The following NSD1 variants were observed in gnomAD, a reference collection of about 807,000 sequenced individuals.
NSD1 encodes histone-lysine N-methyltransferase, H3 lysine-36 specific.
NSD1 carries 26 observed loss-of-function variants against 242.7 expected under a neutral mutation model. The observed-to-expected ratio is 0.11, with a 90% CI of 0.08 to 0.15. NSD1 has a LOEUF of 0.15. NSD1 is among the 10% of genes least tolerant of loss of function. The pLI is 1.00. For missense variants in NSD1, 2,495 were observed against 3,272.8 expected, an observed-to-expected ratio of 0.76 and a Z score of 5.80; for synonymous variants, 1,106 against 1,178.1, an observed-to-expected ratio of 0.94 and a Z score of 1.25.
At chr5:177,241,070 G>C (rs1476152148) in intron 8 of NSD1, among the ~76,000 whole-genome samples, 2 of 152,118 alleles carry the variant, frequency 1.3e-5, no homozygotes, top group African/African-American at 4.8e-5. Flanking sequence ...ACACAAAGAT[G>C]TTCTCCCTGT....
intron 2 of NSD1, among the ~76,000 whole-genome samples, chr5:177,170,527 T>C (rs1158664850): frequency 6.6e-6 from 1 of 151,974 alleles, no homozygotes; most frequent in Non-Finnish European, 1.5e-5. Flanking sequence ...ATTTTTTTTG[T>C]ATTTTAGTAG....
At chr5:177,214,296 T>G (rs1763595744) in intron 5 of NSD1, among the ~76,000 whole-genome samples, 1 of 152,118 alleles carries the variant, frequency 6.6e-6, no homozygotes, top group Admixed American at 6.6e-5. Context: ...TGCAGTGAGC[T>G]GAGATTGCGC....
At chr5:177,273,568 C>A in intron 16 of NSD1, 104 bp from the exon 17 acceptor site, 1 of 871,318 alleles carries the variant, frequency 1.1e-6, no homozygotes, top group Non-Finnish European at 1.9e-6. Flanking sequence ...TTGTGTAAAA[C>A]ATGGAGTTTC....
chr5:177,212,159 C>A lies in NSD1; in HGVS notation c.3760C>A (p.Pro1254Thr), dbSNP rs1035426339. Residue 1254 changes from proline (P) to threonine (T), a missense_variant, in exon 5 of 23, where the codon CCC becomes ACC. This residue lies in a region of NSD1 where 426 missense variants were observed against 411.4 expected (regional missense o/e 1.04). Transcript: ENST00000439151. ...TGACATGGAAAAGGAGCCAGGAATT[C>A]CCAGTTTGACACCACAGGCTGAGCT... ...IGDMEKEPGI[P>T]SLTPQAELPE... The A allele has an allele frequency of 6.2e-7, 1 of 1,613,934 alleles. No individual in the cohort carries two copies. Among genetic ancestry groups the A allele is most frequent in the Non-Finnish European group, 8.5e-7 (1 of 1,180,000 alleles).
At chr5:177,208,822 A>G (rs973677570) in intron 4 of NSD1, among the ~76,000 whole-genome samples, 2 of 151,946 alleles carry the variant, frequency 1.3e-5, no homozygotes, top group African/African-American at 4.8e-5. Context: ...CAGCCTCCAC[A>G]GTAGCTGGGA....
intron 21 of NSD1, among the ~76,000 whole-genome samples, chr5:177,290,899 G>A (rs1225738940): frequency 1.3e-5 from 2 of 152,180 alleles, no homozygotes; most frequent in Non-Finnish European, 2.9e-5. Flanking sequence ...ATGGTATTAA[G>A]TGTAGTGCGG....
chr5:177,206,092 TG>T (rs1302861134), intron 4 of NSD1, among the ~76,000 whole-genome samples: 2 of 152,130 alleles, frequency 1.3e-5, no homozygotes, highest in Non-Finnish European at 2.9e-5. Context: ...CTCTGCCTCC[TG>T]GGTTCAGGCG....
At chr5:177,141,781 A>G (rs1042046886) in intron 2 of NSD1, among the ~76,000 whole-genome samples, 1 of 152,112 alleles carries the variant, frequency 6.6e-6, no homozygotes, top group East Asian at 1.9e-4. Context: ...CTACTTGTCA[A>G]CTAAGCTGCT....
chr5:177,214,495 T>C (rs781741950), intron 5 of NSD1, among the ~76,000 whole-genome samples: 12 of 152,190 alleles, frequency 7.9e-5, no homozygotes, highest in Non-Finnish European at 1.5e-4. Flanking sequence ...TTTTCTCCTT[T>C]GTTCAATCCA....
At chr5:177,152,903 C>G (rs1426693069) in intron 2 of NSD1, among the ~76,000 whole-genome samples, 1 of 151,682 alleles carries the variant, frequency 6.6e-6, no homozygotes, top group Non-Finnish European at 1.5e-5. Context: ...ACAGGCTGGT[C>G]TCAAACTCCT....
chr5:177,155,617 G>A (rs929478482), intron 2 of NSD1, among the ~76,000 whole-genome samples: 1 of 144,018 alleles, frequency 6.9e-6, no homozygotes, highest in Non-Finnish European at 1.5e-5. Context: ...TGAATGTATA[G>A]ATATTTCCTG....
At chr5:177,136,805 TG>T (rs1225843949) in intron 2 of NSD1, 1 of 599,676 alleles carries the variant, frequency 1.7e-6, no homozygotes, top group Non-Finnish European at 3.0e-6. Flanking sequence ...AGTTTTGTTT[TG>T]TTTTATTTTA....
In NSD1 at chr5:177,295,541, T is replaced by A. The variant is rs573035179; in HGVS notation, c.*82T>A. 4.5e-5 allele frequency: 61 copies of A among 1,350,892 alleles called. No individual in the cohort carries two copies. Among genetic ancestry groups the A allele is most frequent in the Admixed American group, 3.9e-4 (19 of 48,944 alleles). 83.7% of individuals were successfully genotyped at this position (1,350,892 alleles called of 1,614,324 possible). A position where few individuals can be genotyped will look rare whatever the true frequency, so the allele number is the denominator to read the frequency against. On this transcript the variant is annotated 3_prime_UTR_variant, in exon 23 of 23. Coordinates refer to ENST00000439151, the MANE Select transcript of NSD1 (RefSeq NM_022455.5). The surrounding 1 kb of genome is among the most constrained non-coding windows in gnomAD (Gnocchi z 4.3). ...GGAAATCTTTTCTTTCTTTCCCCCT[T>A]AAAAAAAAACACATCTGCCCCGAAC... is the stretch of plus-strand genomic sequence containing the variant.
intron 2 of NSD1, among the ~76,000 whole-genome samples, chr5:177,138,791 C>T (rs1453545785): frequency 6.6e-6 from 1 of 151,446 alleles, no homozygotes; most frequent in Non-Finnish European, 1.5e-5. Context: ...AGGTGCGCAC[C>T]ACCACCCCAG....
intron 2 of NSD1, among the ~76,000 whole-genome samples, chr5:177,156,251 G>C (rs1758129966): frequency 7.2e-6 from 1 of 138,742 alleles, no homozygotes; most frequent in African/African-American, 2.8e-5. Context: ...CGCGATCTTG[G>C]CTCACTGCAA....
chr5:177,249,068 C>T (rs1056408477), intron 11 of NSD1, among the ~76,000 whole-genome samples: 1 of 152,122 alleles, frequency 6.6e-6, no homozygotes, highest in East Asian at 1.9e-4. Context: ...GGGGATTCCA[C>T]TTTATTGTTA....
At chr5:177,148,173 A>G (rs1757409924) in intron 2 of NSD1, among the ~76,000 whole-genome samples, 1 of 151,816 alleles carries the variant, frequency 6.6e-6, no homozygotes, top group South Asian at 2.1e-4. Flanking sequence ...GCTGGAGTGC[A>G]ATTGCGCGAT....
intron 5 of NSD1, among the ~76,000 whole-genome samples, chr5:177,219,329 G>A (rs1267796968): frequency 6.6e-6 from 1 of 151,914 alleles, no homozygotes; most frequent in Non-Finnish European, 1.5e-5. Flanking sequence ...GGGATTACAG[G>A]TGCCTGCCAC....
chr5:177,282,614 C>T (rs762025940), intron 19 of NSD1, 33 bp downstream of exon 19: 12 of 1,416,916 alleles, frequency 8.5e-6, no homozygotes. Flanking sequence ...TTCACTGTTA[C>T]AAGATTGTAA....
Sources: allele counts gnomAD v4.1 joint callset (sites outside exome capture counted in the v4.1 genomes callset), GRCh38; gene constraint gnomAD v4.1.1; regional missense constraint gnomAD v4.1.1; non-coding constraint Gnocchi (gnomAD v3.1); transcripts MANE v1.5; gene names NCBI Gene and HGNC (gene_info 2026-07-23, HGNC 2026-07-21).